The following ANKRD55 variants were observed in gnomAD, a reference collection of about 807,000 sequenced individuals.
ANKRD55 encodes the protein ankyrin repeat domain 55, also known as ankyrin repeat domain-containing protein 55.
In ANKRD55, 41 loss-of-function variants were observed where a neutral mutation model predicts 60.6. The ratio of observed to expected loss-of-function variants is 0.68; its 90% CI spans 0.53 to 0.88. ANKRD55 has a LOEUF of 0.88. Ranked by LOEUF, ANKRD55 falls within the 40% of genes least tolerant of loss-of-function variation. The pLI is 0.00. For missense variants in ANKRD55, 732 were observed against 767.6 expected (o/e 0.95, Z 0.55); for synonymous variants, 264 against 290.3 (o/e 0.91, Z 0.92).
Position 56,099,957 on chromosome 5 carries a change from T to A in ANKRD55, c.*226A>T. 1 of 508,978 alleles carries A rather than the reference T, an allele frequency of 2.0e-6. No individual in the cohort carries two copies. The highest frequency in any genetic ancestry group is 3.4e-6 in the Non-Finnish European group (1 of 291,964). The allele number at this position is 508,978 out of a possible 1,614,324, so 31.5% of individuals were successfully genotyped here. A position where few individuals can be genotyped will look rare whatever the true frequency, so the allele number is the denominator to read the frequency against. On this transcript the variant is annotated 3_prime_UTR_variant, in exon 12 of 12. Transcript: ENST00000341048. Reference sequence around the variant, plus strand: ...CATATTTTGTCTTTTAATTTTGGCATGTGGAAGTCACAGAAATTCACAGAC... The same window carrying A: ...CATATTTTGTCTTTTAATTTTGGCAAGTGGAAGTCACAGAAATTCACAGAC...
intron 6 of ANKRD55, among the ~76,000 whole-genome samples, chr5:56,153,466 C>A (rs531868218): frequency 2.6e-4 from 39 of 152,252 alleles, no homozygotes; most frequent in Non-Finnish European, 3.8e-4. Context: ...ATTGAGACAA[C>A]CTAAATATCC....
At chr5:56,134,214 T>A (rs544330147) in intron 7 of ANKRD55, among the ~76,000 whole-genome samples, 2 of 115,798 alleles carry the variant, frequency 1.7e-5, no homozygotes, top group South Asian at 5.4e-4. Flanking sequence ...GACCAATTCC[T>A]TAAAAGACAC....
intron 6 of ANKRD55, among the ~76,000 whole-genome samples, chr5:56,158,180 A>G (rs1758243523): frequency 6.9e-6 from 1 of 144,704 alleles, no homozygotes; most frequent in Non-Finnish European, 1.6e-5. Context: ...GAATCTGTCT[A>G]TTTAAAAAAA....
chr5:56,125,725 C>A (rs1283999111), intron 8 of ANKRD55: 1 of 152,068 alleles, frequency 6.6e-6, no homozygotes, highest in Non-Finnish European at 1.5e-5. Context: ...TAGCGTGGCC[C>A]CTGCGCAGGG....
chr5:56,199,193 T>C (rs1350602802), intron 2 of ANKRD55, among the ~76,000 whole-genome samples: 1 of 152,208 alleles, frequency 6.6e-6, no homozygotes, highest in Non-Finnish European at 1.5e-5. Flanking sequence ...AAATTCTCTT[T>C]AGAGAAACCA....
intron 10 of ANKRD55, among the ~76,000 whole-genome samples, chr5:56,109,058 C>T (rs963521171): frequency 6.6e-6 from 1 of 151,830 alleles, no homozygotes; most frequent in African/African-American, 2.4e-5. Flanking sequence ...CACACACACA[C>T]ACACACACAC....
intron 7 of ANKRD55, among the ~76,000 whole-genome samples, chr5:56,134,844 T>C (rs1580968336): frequency 6.6e-6 from 1 of 152,076 alleles, no homozygotes; most frequent in East Asian, 1.9e-4. Flanking sequence ...GATGTAAATG[T>C]CCTCAACAAC....
At chr5:56,227,636 ACCTTATTGCTGG>A (rs1760153770) in intron 2 of ANKRD55, among the ~76,000 whole-genome samples, 2 of 151,390 alleles carry the variant, frequency 1.3e-5, no homozygotes, top group South Asian at 4.2e-4. Context: ...TTTTTATTAA[ACCTTATTGCTGG>A]CCAAGGAAAA....
At chr5:56,100,467 A>G (rs1756239040) in intron 11 of ANKRD55, among the ~76,000 whole-genome samples, 163 bp from the exon 12 acceptor site, 1 of 152,190 alleles carries the variant, frequency 6.6e-6, no homozygotes, top group South Asian at 2.1e-4. Context: ...TCTTGTATAT[A>G]TATCTGTTCA....
In ANKRD55 at chr5:56,135,239, C is replaced by T. The variant is rs145488430; in HGVS notation, c.613-8133G>A. On this transcript the variant is annotated intron_variant, in intron 7 of 11. Transcript: ENST00000341048. ...CCTTCCTTCCTTCCTTCCTTCCTTC[C>T]TTCCTTCCTTCCTTCCTTCCTTCTT... 7.7e-4 allele frequency among the ~76,000 whole-genome samples: 89 copies of T among 114,968 alleles called. 1 individual carries two copies. The highest frequency in any genetic ancestry group is 6.6e-3 in the South Asian group (21 of 3,166). 75.4% of individuals were successfully genotyped at this position (114,968 alleles called of 152,430 possible). A position where few individuals can be genotyped will look rare whatever the true frequency, so the allele number is the denominator to read the frequency against.
chr5:56,195,733 A>G (rs1416601726), intron 2 of ANKRD55, among the ~76,000 whole-genome samples: 1 of 152,140 alleles, frequency 6.6e-6, no homozygotes, highest in Non-Finnish European at 1.5e-5. Flanking sequence ...TATGAGCCAC[A>G]GCGCCTGGCT....
intron 2 of ANKRD55, among the ~76,000 whole-genome samples, chr5:56,185,189 C>G (rs1353026699): frequency 6.6e-6 from 1 of 151,838 alleles, no homozygotes; most frequent in Non-Finnish European, 1.5e-5. Context: ...CACCACTGCA[C>G]TCTAGCCTGG....
chr5:56,127,405 G>A (rs796762236), intron 7 of ANKRD55: 46 of 984,840 alleles, frequency 4.7e-5, no homozygotes, highest in African/African-American at 4.4e-4. Flanking sequence ...ATGGACTGAC[G>A]TCAGAGCTAG....
intron 2 of ANKRD55, among the ~76,000 whole-genome samples, chr5:56,217,637 G>T (rs1347141253): frequency 2.0e-5 from 3 of 152,222 alleles, no homozygotes; most frequent in Non-Finnish European, 4.4e-5. Context: ...GCTCATGCCT[G>T]TAATCCCAGC....
Position 56,100,117 on chromosome 5 carries a change from G to A in ANKRD55, c.*66C>T. 1.1e-5 allele frequency: 17 copies of A among 1,606,554 alleles called. No homozygotes were observed. The South Asian group carries it at 1.3e-4, about 12-fold the overall frequency. On this transcript the variant is annotated 3_prime_UTR_variant, in exon 12 of 12. Transcript: ENST00000341048. ...TTGGTCTTCGTTCTTACAAACTGGAGTAATCTTGTCCTTTGAGAGTTGAAA... is the reference window on the plus strand; with the variant it reads ...TTGGTCTTCGTTCTTACAAACTGGAATAATCTTGTCCTTTGAGAGTTGAAA...
chr5:56,164,836 T>C (rs1179502307), intron 5 of ANKRD55, among the ~76,000 whole-genome samples: 2 of 152,216 alleles, frequency 1.3e-5, no homozygotes, highest in Non-Finnish European at 2.9e-5. Flanking sequence ...AACCTGTGCA[T>C]CTTTGCTTTT....
At chr5:56,224,507 T>TA (rs1484097525) in intron 2 of ANKRD55, among the ~76,000 whole-genome samples, 5 of 151,918 alleles carry the variant, frequency 3.3e-5, no homozygotes, top group African/African-American at 1.2e-4. Flanking sequence ...CTGAAGGAGA[T>TA]AGAGACACAA....
intron 6 of ANKRD55, among the ~76,000 whole-genome samples, chr5:56,147,887 T>C (rs1445597880): frequency 6.6e-6 from 1 of 152,212 alleles, no homozygotes; most frequent in Non-Finnish European, 1.5e-5. Context: ...TCCTTTCTTC[T>C]TCTTCTTTCT....
intron 2 of ANKRD55, among the ~76,000 whole-genome samples, chr5:56,188,345 G>T (rs1193690077): frequency 2.2e-5 from 3 of 139,308 alleles, no homozygotes; most frequent in African/African-American, 5.4e-5. Flanking sequence ...CCCTGCCCCC[G>T]CAACCCCGCC....
Sources: gnomAD v4.1 joint callset for allele counts (sites outside exome capture counted in the v4.1 genomes callset) on GRCh38, gnomAD v4.1.1 for gene constraint, MANE v1.5 for transcripts, NCBI Gene and HGNC (gene_info 2026-07-23, HGNC 2026-07-21) for gene names.